NHSL2: variants seen among roughly 807,000 people sequenced by gnomAD.
NHSL2 encodes the protein NHS-like protein 2.
A neutral mutation model predicts 53.4 loss-of-function variants in NHSL2; 27 were observed. The ratio of observed to expected loss-of-function variants is 0.51; its 90% CI spans 0.37 to 0.70. The LOEUF (loss-of-function observed/expected upper bound fraction) is 0.70. Among genes scored for constraint, NHSL2 ranks in the 30% least tolerant of loss-of-function variants. The pLI, the probability that NHSL2 is intolerant of heterozygous loss-of-function variation, is 0.00. For synonymous variants in NHSL2, 408 were observed against 404.1 expected (o/e 1.01, Z -0.12); for missense variants, 892 against 980.1 (o/e 0.91, Z 1.20).
In NHSL2 at chrX:72,065,058, C is replaced by A. The variant is rs1388786409; in HGVS notation, c.281-67021C>A. On this transcript the variant is annotated intron_variant, in intron 1 of 7. Transcript: ENST00000633930. ...AGAACAGCGCCTCCAGCACCCTACCCAACCTGGATGTGCACCTTGATGAGT... is the reference window on the plus strand; with the variant it reads ...AGAACAGCGCCTCCAGCACCCTACCAAACCTGGATGTGCACCTTGATGAGT... Among the ~76,000 whole-genome samples the A allele has an allele frequency of 2.7e-5, 3 of 111,428 alleles. No homozygotes were observed. The East Asian group carries it at 8.5e-4, about 32-fold the overall frequency.
At chrX:72,066,075 G>A (rs945064781) in intron 1 of NHSL2, among the ~76,000 whole-genome samples, 1 of 111,676 alleles carries the variant, frequency 9.0e-6, no homozygotes, top group Non-Finnish European at 1.9e-5. Flanking sequence ...GCTGTGTCAT[G>A]AACAGATTTT....
chrX:71,938,335 G>T (rs889139742), intron 1 of NHSL2, among the ~76,000 whole-genome samples: 1 of 112,177 alleles, frequency 8.9e-6, no homozygotes, highest in African/African-American at 3.2e-5. Context: ...CCCCTTGGAA[G>T]TTCGCCATTC....
At position 72,143,462 on chromosome X, in the gene NHSL2, C is replaced by T. The variant is rs915497716; in HGVS notation, c.3566C>T (p.Pro1189Leu). Residue 1189 changes from proline (P) to leucine (L), a missense_variant, in exon 8 of 8, where the codon CCA becomes CTA. Pro to Leu is a moderately conservative substitution (Grantham distance 98, BLOSUM62 -3). Transcript: ENST00000633930. ...LLQKKGSKATPRSRPSAAELL... is the reference protein window; with the variant it reads ...LLQKKGSKATLRSRPSAAELL... ...CAGAAGAAGGGAAGTAAGGCAACTC[C>T]AAGGTCTCGTCCCTCAGCAGCTGAA... 5 of 1,164,031 alleles carry T rather than the reference C, an allele frequency of 4.3e-6. No individual in the cohort carries two copies. In the Admixed American group the frequency reaches 1.3e-4, roughly 30 times the overall value.
intron 1 of NHSL2, among the ~76,000 whole-genome samples, chrX:71,957,777 GCTGA>G (rs1244382964): frequency 9.9e-5 from 11 of 111,011 alleles, no homozygotes; most frequent in Non-Finnish European, 2.1e-4. Context: ...GTAAATATCT[GCTGA>G]CTGACTGAAT....
intron 1 of NHSL2, among the ~76,000 whole-genome samples, chrX:71,959,992 C>G (rs1037432156): frequency 3.6e-5 from 4 of 112,062 alleles, no homozygotes; most frequent in Middle Eastern, 4.6e-3. Context: ...TCCAAAGTGG[C>G]TATACCATCT....
In NHSL2 at chrX:72,082,635, C is replaced by T. The variant is rs375537500; in HGVS notation, c.281-49444C>T. On this transcript the variant is annotated intron_variant, in intron 1 of 7. Transcript: ENST00000633930. ...AACCCAGGCCCATCAAACTCCAAAG[C>T]TTAGTTGCTTTGCCCAGTCCCAGGA... Among the ~76,000 whole-genome samples the T allele has an allele frequency of 1.1e-3, 124 of 112,448 alleles. 1 individual carries two copies. The highest frequency in any genetic ancestry group is 3.8e-3 in the African/African-American group (117 of 30,944).
At chrX:71,935,829 A>G (rs762241686) in intron 1 of NHSL2, among the ~76,000 whole-genome samples, 75 of 111,899 alleles carry the variant, frequency 6.7e-4, no homozygotes, top group Admixed American at 3.9e-3. Flanking sequence ...GTTGGCTAGG[A>G]AAAGCCTAGG....
chrX:72,077,714 C>T (rs1163916647), intron 1 of NHSL2, among the ~76,000 whole-genome samples: 2 of 112,624 alleles, frequency 1.8e-5, no homozygotes, highest in East Asian at 5.6e-4. Context: ...CAACAGAAGC[C>T]ACCTCCAGCC....
chrX:72,142,222 T>C lies in NHSL2; in HGVS notation c.3224-10T>C. 1 of 1,157,296 alleles carries C rather than the reference T, an allele frequency of 8.6e-7. No individual in the cohort carries two copies. Among genetic ancestry groups the C allele is most frequent in the East Asian group, 3.3e-5 (1 of 30,688 alleles). On this transcript the variant is annotated splice_polypyrimidine_tract_variant and intron_variant, in intron 6 of 7. Transcript: ENST00000633930. ...GGTCAAAGTCATTCCTTTTGGTTTT[T>C]TATGTCTAGGGAGTTCTGTGGAACC...
At chrX:71,959,594 C>G (rs966767136) in intron 1 of NHSL2, among the ~76,000 whole-genome samples, 5 of 110,474 alleles carry the variant, frequency 4.5e-5, no homozygotes, top group African/African-American at 1.6e-4. Flanking sequence ...AATATTGTAC[C>G]CTCAAGCTGT....
Position 71,963,993 on chromosome X carries a change from G to T in NHSL2, c.280+52626G>T, listed in dbSNP as rs74544749. 1.7e-4 allele frequency among the ~76,000 whole-genome samples: 4 copies of T among 23,274 alleles called. 2 individuals are homozygous for T. Among genetic ancestry groups the T allele is most frequent in the Admixed American group, 1.3e-3 (2 of 1,551 alleles). The allele number at this position is 23,274 out of a possible 115,157, so 20.2% of individuals were successfully genotyped here. A position where few individuals can be genotyped will look rare whatever the true frequency, so the allele number is the denominator to read the frequency against. On this transcript the variant is annotated intron_variant, in intron 1 of 7. Transcript: ENST00000633930. Reference sequence around the variant, plus strand: ...TATATACATATATATATATATATATGTATATACATATATATATGTATATAT... The same window carrying T: ...TATATACATATATATATATATATATTTATATACATATATATATGTATATAT...
chrX:72,131,319 A>G (rs1231890169), intron 1 of NHSL2: 17 of 1,200,986 alleles, frequency 1.4e-5, no homozygotes, highest in Non-Finnish European at 1.9e-5. Flanking sequence ...CTTCGATCTC[A>G]CTGAGCGCGA....
At chrX:72,027,846 G>A in intron 1 of NHSL2, 1 of 116,122 alleles carries the variant, frequency 8.6e-6, no homozygotes, top group Non-Finnish European at 1.8e-5. Context: ...GGGCTTTGGT[G>A]ACTCCACTAG....
intron 1 of NHSL2, among the ~76,000 whole-genome samples, chrX:72,105,932 G>A (rs751466432): frequency 5.3e-5 from 6 of 112,255 alleles, no homozygotes; most frequent in Non-Finnish European, 7.5e-5. Flanking sequence ...CCATGAGGCC[G>A]GGCGCGGTGG....
intron 1 of NHSL2, among the ~76,000 whole-genome samples, chrX:72,067,257 C>G (rs771045888): frequency 8.0e-5 from 9 of 111,841 alleles, no homozygotes; most frequent in Non-Finnish European, 1.7e-4. Flanking sequence ...TGATCATTCA[C>G]TCATTCCTCC....
chrX:71,997,364 G>A (rs1187396912), intron 1 of NHSL2, among the ~76,000 whole-genome samples: 1 of 112,249 alleles, frequency 8.9e-6, no homozygotes, highest in Non-Finnish European at 1.9e-5. Flanking sequence ...AGGGGCTGGG[G>A]AGTCACAGCA....
At chrX:71,938,507 A>T (rs957493302) in intron 1 of NHSL2, among the ~76,000 whole-genome samples, 1 of 112,314 alleles carries the variant, frequency 8.9e-6, no homozygotes, top group African/African-American at 3.2e-5. Flanking sequence ...CTCATCCAGA[A>T]TGGCACTTGA....
intron 1 of NHSL2, among the ~76,000 whole-genome samples, chrX:72,103,623 A>G (rs759215987): frequency 8.9e-6 from 1 of 112,261 alleles, no homozygotes; most frequent in African/African-American, 3.2e-5. Context: ...TGGTGAAGGC[A>G]TCTTCAACTA....
chrX:72,139,110 C>T lies in NHSL2; in HGVS notation c.1562C>T (p.Ala521Val), dbSNP rs146142006. ...GATGAGGAGCAGAAGGCCAATGAGG[C>T]CTGTGCCCTGCCTTTTGCCAGTACG... Reference protein sequence around the residue: ...DYDEEQKANEACALPFASTSS... With the variant: ...DYDEEQKANEVCALPFASTSS... Residue 521 changes from alanine (A) to valine (V), a missense_variant, in exon 6 of 8, where the codon GCC becomes GTC. Ala to Val is a moderately conservative substitution (Grantham distance 64, BLOSUM62 0). Coordinates refer to ENST00000633930, the MANE Select transcript of NHSL2 (RefSeq NM_001013627.3). 47 of 1,168,870 alleles carry T rather than the reference C, an allele frequency of 4.0e-5. No homozygotes were observed. Among genetic ancestry groups the T allele is most frequent in the African/African-American group, 3.2e-4 (18 of 56,126 alleles).
Sources: allele counts gnomAD v4.1 joint callset (sites outside exome capture counted in the v4.1 genomes callset), GRCh38; gene constraint gnomAD v4.1.1; transcripts MANE v1.5; gene names NCBI Gene and HGNC (gene_info 2026-07-23, HGNC 2026-07-21).